Variants in STK24 observed in about 807,000 individuals in gnomAD.
STK24 encodes the protein serine/threonine kinase 24.
In STK24, 21 loss-of-function variants were observed where a neutral mutation model predicts 55.6. The observed-to-expected ratio is 0.38, with a 90% CI of 0.27 to 0.54. The LOEUF is 0.54. Among genes scored for constraint, STK24 ranks in the 20% least tolerant of loss-of-function variants. The probability of loss-of-function intolerance (pLI) is 0.79; values close to 1 mark genes in which losing one functional copy is unlikely to be tolerated. For missense variants in STK24, 383 were observed against 538.4 expected, an observed-to-expected ratio of 0.71 and a Z score of 2.86; for synonymous variants, 200 against 215.2, an observed-to-expected ratio of 0.93 and a Z score of 0.62.
At chr13:98,555,321 C>T (rs1202540100) in intron 1 of STK24, among the ~76,000 whole-genome samples, 1 of 152,180 alleles carries the variant, frequency 6.6e-6, no homozygotes, top group Non-Finnish European at 1.5e-5. Context: ...GTGGCTCACG[C>T]CTGTAATCCC....
chr13:98,463,587 A>T, intron 7 of STK24, 104 bp downstream of exon 7: 4 of 1,181,044 alleles, frequency 3.4e-6, no homozygotes, highest in Non-Finnish European at 3.4e-6. Flanking sequence ...GATTGTCTAA[A>T]AAAAAAAAAA....
rs1892891373 is a variant in STK24, at chr13:98,447,049, G to A, written c.*6124C>T. ...CTGCACGGTGTTGGCTGAGGCCCTA[G>A]ACATCTTGCTTGGAGATCTCTGACA... On this transcript the variant is annotated 3_prime_UTR_variant, in exon 11 of 11. Coordinates refer to ENST00000539966, the MANE Select transcript of STK24 (RefSeq NM_001032296.4). The A allele has an allele frequency of 9.9e-6, 5 of 505,766 alleles. No homozygotes were observed. The highest frequency in any genetic ancestry group is 7.3e-5 in the South Asian group (3 of 40,966). 31.3% of individuals were successfully genotyped at this position (505,766 alleles called of 1,614,324 possible). A position where few individuals can be genotyped will look rare whatever the true frequency, so the allele number is the denominator to read the frequency against.
chr13:98,530,613 C>T (rs902062771), intron 1 of STK24, among the ~76,000 whole-genome samples: 1 of 152,140 alleles, frequency 6.6e-6, no homozygotes, highest in African/African-American at 2.4e-5. Flanking sequence ...GCTCTGACAG[C>T]AACATACAAC....
chr13:98,525,248 C>T (rs1896392157), intron 1 of STK24, among the ~76,000 whole-genome samples: 1 of 152,238 alleles, frequency 6.6e-6, no homozygotes, highest in South Asian at 2.1e-4. Context: ...TTGATAATTT[C>T]CTTTTTAGAA....
intron 10 of STK24, chr13:98,456,651 C>A: frequency 2.3e-6 from 1 of 434,948 alleles, no homozygotes; most frequent in South Asian, 1.7e-5. Context: ...GGCCACTGGG[C>A]AGGGACAAAA....
intron 6 of STK24, among the ~76,000 whole-genome samples, chr13:98,464,130 T>G (rs17574378): frequency 6.6e-6 from 1 of 152,000 alleles, no homozygotes; most frequent in African/African-American, 2.4e-5. Context: ...AGAGCTTAAA[T>G]GATCTGGTCG....
chr13:98,567,094 A>C (rs537688389), intron 1 of STK24, among the ~76,000 whole-genome samples: 1 of 152,362 alleles, frequency 6.6e-6, no homozygotes, highest in South Asian at 2.1e-4. Flanking sequence ...GCAAGAAATC[A>C]CTTGAAGGCC....
intron 1 of STK24, among the ~76,000 whole-genome samples, chr13:98,536,729 A>C (rs1405664336): frequency 3.9e-5 from 6 of 152,134 alleles, no homozygotes; most frequent in Admixed American, 3.9e-4. Context: ...GCAGGAGCCC[A>C]GTGCTCTGGG....
intron 1 of STK24, among the ~76,000 whole-genome samples, chr13:98,555,976 G>A (rs1319543812): frequency 2.0e-5 from 3 of 150,604 alleles, no homozygotes; most frequent in East Asian, 2.0e-4. Context: ...GCCACCGTGC[G>A]GGCTACCAGC....
chr13:98,537,466 A>G (rs1566393499), intron 1 of STK24, among the ~76,000 whole-genome samples: 1 of 152,148 alleles, frequency 6.6e-6, no homozygotes, highest in Non-Finnish European at 1.5e-5. Context: ...GCAGCTGAGG[A>G]GCTGAGGCCC....
At chr13:98,533,818 C>T (rs2139406509) in intron 1 of STK24, among the ~76,000 whole-genome samples, 1 of 152,082 alleles carries the variant, frequency 6.6e-6, no homozygotes, top group African/African-American at 2.4e-5. Context: ...CCTTAGGAAA[C>T]CACTGTTTGA....
chr13:98,547,573 A>G (rs1897058948), intron 1 of STK24, among the ~76,000 whole-genome samples: 1 of 152,186 alleles, frequency 6.6e-6, no homozygotes, highest in Non-Finnish European at 1.5e-5. Context: ...ATGACCAACT[A>G]TGATAAAAAG....
intron 2 of STK24, among the ~76,000 whole-genome samples, chr13:98,497,510 AAG>A (rs1342659457): frequency 6.6e-6 from 1 of 152,190 alleles, no homozygotes; most frequent in African/African-American, 2.4e-5. Context: ...GACGCCATGA[AAG>A]AGAGGTCAGA....
At chr13:98,559,502 T>G (rs1897361795) in intron 1 of STK24, among the ~76,000 whole-genome samples, 1 of 152,184 alleles carries the variant, frequency 6.6e-6, no homozygotes, top group African/African-American at 2.4e-5. Context: ...TAAATCTTTT[T>G]CTTTATAAAT....
intron 1 of STK24, among the ~76,000 whole-genome samples, chr13:98,530,953 G>A (rs1459117223): frequency 1.3e-5 from 2 of 152,202 alleles, no homozygotes; most frequent in Non-Finnish European, 1.5e-5. Flanking sequence ...GGTCTCCAAA[G>A]AGTAAAAATG....
At chr13:98,549,929 T>C (rs1474612069) in intron 1 of STK24, among the ~76,000 whole-genome samples, 2 of 152,304 alleles carry the variant, frequency 1.3e-5, no homozygotes, top group Non-Finnish European at 1.5e-5. Flanking sequence ...AGTAGCTACC[T>C]ATTTCCTTGC....
intron 5 of STK24, among the ~76,000 whole-genome samples, chr13:98,472,262 G>C (rs1301699078): frequency 6.6e-6 from 1 of 152,166 alleles, no homozygotes; most frequent in Non-Finnish European, 1.5e-5. Flanking sequence ...CTCACCACAC[G>C]CCTCCCGGGT....
chr13:98,471,780 A>T (rs1292648554), intron 5 of STK24, among the ~76,000 whole-genome samples: 1 of 152,192 alleles, frequency 6.6e-6, no homozygotes, highest in African/African-American at 2.4e-5. Context: ...GAAGCTAGTG[A>T]GGCAGGTGAA....
intron 1 of STK24, among the ~76,000 whole-genome samples, chr13:98,522,489 T>TA (rs199663818): frequency 0.01 from 1,571 of 152,336 alleles, 15 homozygotes; most frequent in Middle Eastern, 0.031. Context: ...AAGGCTGTGT[T>TA]AAAGACTCAC....
Sources: gnomAD v4.1 joint callset for allele counts (sites outside exome capture counted in the v4.1 genomes callset) on GRCh38, gnomAD v4.1.1 for gene constraint, MANE v1.5 for transcripts, NCBI Gene and HGNC (gene_info 2026-07-23, HGNC 2026-07-21) for gene names.